The following CREBBP variants were observed in gnomAD, a reference collection of about 807,000 sequenced individuals.
CREBBP encodes the protein CREB-binding protein.
In CREBBP, 19 loss-of-function variants were observed where a neutral mutation model predicts 265.0. The observed-to-expected ratio is 0.07, with a 90% CI of 0.05 to 0.11. The LOEUF is 0.11. CREBBP is among the 10% of genes least tolerant of loss of function. The pLI is 1.00. For missense variants in CREBBP, 2,525 were observed against 3,219.0 expected, an observed-to-expected ratio of 0.78 and a Z score of 5.22; for synonymous variants, 1,457 against 1,223.7, an observed-to-expected ratio of 1.19 and a Z score of -3.98.
intron 23 of CREBBP, chr16:3,743,482 A>G (rs2052266419): frequency 6.6e-6 from 1 of 152,244 alleles, no homozygotes; most frequent in South Asian, 2.1e-4. Flanking sequence ...TGCATGGTCC[A>G]TCCTAGCATT....
chr16:3,777,485 T>A, intron 11 of CREBBP, 128 bp downstream of exon 11: 2 of 1,000,560 alleles, frequency 2.0e-6, no homozygotes, highest in Non-Finnish European at 3.2e-6. Flanking sequence ...GAATTCTGCT[T>A]ATCAGCAAAA....
chr16:3,777,685 A>G (rs563553685), intron 10 of CREBBP, 28 bp from the exon 11 acceptor site: 8 of 1,612,734 alleles, frequency 5.0e-6, no homozygotes, highest in African/African-American at 2.7e-5. Context: ...AAACAAAAAC[A>G]AAACCACCCT....
intron 2 of CREBBP, among the ~76,000 whole-genome samples, chr16:3,821,751 T>C (rs563381237): frequency 1.8e-4 from 28 of 152,192 alleles, no homozygotes; most frequent in Non-Finnish European, 3.7e-4. Flanking sequence ...GAATCTTGGC[T>C]GGGCGTGGTG....
At chr16:3,743,168 T>G (rs2052258932) in intron 23 of CREBBP, 2 of 152,226 alleles carry the variant, frequency 1.3e-5, no homozygotes, top group Admixed American at 1.3e-4. Flanking sequence ...AATGAATTGC[T>G]GAGGAAGGTG....
At chr16:3,868,003 T>C (rs775057736) in intron 1 of CREBBP, among the ~76,000 whole-genome samples, 1 of 152,090 alleles carries the variant, frequency 6.6e-6, no homozygotes, top group Non-Finnish European at 1.5e-5. Flanking sequence ...AGCTCTGAGA[T>C]ATGTATCAGT....
chr16:3,728,049 T>A lies in CREBBP; in HGVS notation c.6998A>T (p.Gln2333Leu). ...GQPQASHLPG[Q>L]QIATSLSNQV... The stretch of plus-strand genomic sequence containing the variant: ...GTTACTAAGGGACGTGGCGATCTGC[T>A]GGCCAGGGAGATGCGAGGCCTGTGG... The change falls in exon 31 of 31, where the codon CAG becomes CTG. Residue 2333 changes from glutamine (Q) to leucine (L), a missense_variant. Gln to Leu is a moderately radical substitution (Grantham distance 113, BLOSUM62 -2). Around this residue, in one of 19 missense-constraint regions of CREBBP, gnomAD observed 473 missense variants for 459.3 expected, o/e 1.03. Transcript: ENST00000262367. This position sits in a 1 kb window ranked among gnomAD's most constrained non-coding sequence, Gnocchi z 8.7. The A allele has an allele frequency of 6.2e-7, 1 of 1,612,732 alleles. No homozygotes were observed. Among genetic ancestry groups the A allele is most frequent in the Non-Finnish European group, 8.5e-7 (1 of 1,178,850 alleles).
intron 26 of CREBBP, among the ~76,000 whole-genome samples, chr16:3,737,480 G>T (rs1391332040): frequency 6.6e-6 from 1 of 151,554 alleles, no homozygotes; most frequent in Non-Finnish European, 1.5e-5. Context: ...CGGGCGGGGG[G>T]CAGAGTTTCA....
intron 14 of CREBBP, 41 bp downstream of exon 14, chr16:3,770,525 TTCTA>T: frequency 6.2e-7 from 1 of 1,600,938 alleles, no homozygotes; most frequent in Non-Finnish European, 8.5e-7. Context: ...GAAAATTATC[TTCTA>T]AGAGTCTTGG....
chr16:3,830,532 C>T (rs2054322629), intron 2 of CREBBP, among the ~76,000 whole-genome samples: 1 of 151,970 alleles, frequency 6.6e-6, no homozygotes, highest in Admixed American at 6.5e-5. Flanking sequence ...TGATAAAAGG[C>T]TAAATTTACC....
intron 1 of CREBBP, among the ~76,000 whole-genome samples, chr16:3,861,841 T>A (rs2055082007): frequency 6.6e-6 from 1 of 152,116 alleles, no homozygotes; most frequent in African/African-American, 2.4e-5. Flanking sequence ...AGGCTTCTTT[T>A]ATGCAGACAC....
intron 1 of CREBBP, among the ~76,000 whole-genome samples, chr16:3,860,169 G>C (rs2055044964): frequency 6.6e-6 from 1 of 152,150 alleles, no homozygotes; most frequent in Non-Finnish European, 1.5e-5. Context: ...GAGGTGTTCT[G>C]TGTCGACTGT....
chr16:3,793,859 C>G (rs1307359885), intron 3 of CREBBP, among the ~76,000 whole-genome samples: 1 of 152,134 alleles, frequency 6.6e-6, no homozygotes, highest in East Asian at 1.9e-4. Flanking sequence ...ATCATCCAAG[C>G]AAGACAATGG....
chr16:3,808,910 G>C (rs2053883212), intron 3 of CREBBP, among the ~76,000 whole-genome samples: 1 of 152,198 alleles, frequency 6.6e-6, no homozygotes, highest in Non-Finnish European at 1.5e-5. Context: ...GAGAGAACGG[G>C]ATCTGTGTGG....
chr16:3,865,693 T>C (rs1350490983), intron 1 of CREBBP, among the ~76,000 whole-genome samples: 1 of 151,898 alleles, frequency 6.6e-6, no homozygotes, highest in Admixed American at 6.6e-5. Flanking sequence ...GGCTGGAATG[T>C]AGTGGCGCGA....
rs1013909203 is a variant in CREBBP, at chr16:3,727,241, G to A, written c.*477C>T. 3.2e-5 allele frequency: 8 copies of A among 253,288 alleles called. No individual in the cohort carries two copies. The highest frequency in any genetic ancestry group is 4.6e-5 in the Non-Finnish European group (6 of 131,032). The allele number at this position is 253,288 out of a possible 1,614,324, so 15.7% of individuals were successfully genotyped here. A position where few individuals can be genotyped will look rare whatever the true frequency, so the allele number is the denominator to read the frequency against. On this transcript the variant is annotated 3_prime_UTR_variant, in exon 31 of 31. Coordinates refer to ENST00000262367, the MANE Select transcript of CREBBP (RefSeq NM_004380.3). ...GTTCACTATAGAAAAAAATCTTCCCGAAACATCACAAAGTTATCGGGATAC... is the reference window on the plus strand; with the variant it reads ...GTTCACTATAGAAAAAAATCTTCCCAAAACATCACAAAGTTATCGGGATAC...
At chr16:3,767,446 G>A in intron 16 of CREBBP, 2 of 558,962 alleles carry the variant, frequency 3.6e-6, no homozygotes, top group Non-Finnish European at 6.4e-6. Context: ...TTTCAACTCG[G>A]CCCCTGCCAG....
chr16:3,740,661 T>C, intron 23 of CREBBP, 112 bp from the exon 24 acceptor site: 1 of 1,229,574 alleles, frequency 8.1e-7, no homozygotes, highest in Non-Finnish European at 1.2e-6. Flanking sequence ...TTTAAAGGAC[T>C]AATGTTCTCC....
intron 1 of CREBBP, among the ~76,000 whole-genome samples, chr16:3,853,730 A>G (rs908599444): frequency 2.0e-5 from 3 of 152,090 alleles, no homozygotes; most frequent in Non-Finnish European, 4.4e-5. Context: ...TGAGGTCAGG[A>G]GTTCAAGACC....
At chr16:3,841,159 G>A (rs1237075571) in intron 2 of CREBBP, 2 of 152,558 alleles carry the variant, frequency 1.3e-5, no homozygotes, top group Non-Finnish European at 2.9e-5. Flanking sequence ...TTTCTACCAT[G>A]ATACTAGTGA....
Sources: allele counts gnomAD v4.1 joint callset (sites outside exome capture counted in the v4.1 genomes callset), GRCh38; gene constraint gnomAD v4.1.1; regional missense constraint gnomAD v4.1.1; non-coding constraint Gnocchi (gnomAD v3.1); transcripts MANE v1.5; gene names NCBI Gene and HGNC (gene_info 2026-07-23, HGNC 2026-07-21).